Variants in GSK3B observed in about 807,000 individuals in gnomAD.
The protein encoded by GSK3B is glycogen synthase kinase-3 beta.
A neutral mutation model predicts 56.4 loss-of-function variants in GSK3B; 15 were observed. The ratio of observed to expected loss-of-function variants is 0.27; its 90% confidence interval spans 0.18 to 0.41. The LOEUF (loss-of-function observed/expected upper bound fraction) is 0.41. Among genes scored for constraint, GSK3B ranks in the 10% least tolerant of loss-of-function variants. The pLI is 1.00. For synonymous variants in GSK3B, 181 were observed against 188.9 expected (o/e 0.96, Z 0.34); for missense variants, 300 against 513.4 (o/e 0.58, Z 4.02).
intron 1 of GSK3B, among the ~76,000 whole-genome samples, chr3:120,003,813 A>G (rs940027812): frequency 6.6e-6 from 1 of 152,250 alleles, no homozygotes; most frequent in African/African-American, 2.4e-5. Flanking sequence ...TCTGGTCTAC[A>G]ACTCCCAGGA....
At chr3:119,983,369 T>C (rs954374384) in intron 2 of GSK3B, among the ~76,000 whole-genome samples, 7 of 152,228 alleles carry the variant, frequency 4.6e-5, no homozygotes, top group African/African-American at 1.2e-4. Context: ...TAACCTTAAA[T>C]GTAAACAGGC....
chr3:120,080,253 T>A (rs1458489009), intron 1 of GSK3B, among the ~76,000 whole-genome samples: 1 of 151,714 alleles, frequency 6.6e-6, no homozygotes, highest in Non-Finnish European at 1.5e-5. Flanking sequence ...ATCACACCAC[T>A]GTACTACAAT....
intron 2 of GSK3B, among the ~76,000 whole-genome samples, chr3:119,962,149 G>A (rs2057278045): frequency 6.6e-6 from 1 of 152,170 alleles, no homozygotes; most frequent in African/African-American, 2.4e-5. Context: ...GCTGAGGCAG[G>A]TGGATCACCT....
At chr3:119,973,631 A>G (rs1276361642) in intron 2 of GSK3B, among the ~76,000 whole-genome samples, 1 of 152,244 alleles carries the variant, frequency 6.6e-6, no homozygotes, top group Non-Finnish European at 1.5e-5. Flanking sequence ...GTTACAGCAC[A>G]ATAAATATTT....
At chr3:119,886,733 G>C (rs1018445392) in intron 7 of GSK3B, among the ~76,000 whole-genome samples, 1 of 152,084 alleles carries the variant, frequency 6.6e-6, no homozygotes, top group Admixed American at 6.6e-5. Context: ...AGATGCTGCT[G>C]GAAGCCATTA....
At chr3:120,005,711 C>A (rs1035376975) in intron 1 of GSK3B, among the ~76,000 whole-genome samples, 1 of 152,160 alleles carries the variant, frequency 6.6e-6, no homozygotes, top group Non-Finnish European at 1.5e-5. Flanking sequence ...AAATCCTTTA[C>A]GGACAAGCAA....
chr3:119,908,224 G>A (rs1418975877), intron 6 of GSK3B, among the ~76,000 whole-genome samples: 1 of 152,162 alleles, frequency 6.6e-6, no homozygotes, highest in African/African-American at 2.4e-5. Flanking sequence ...TCCTTAATGT[G>A]TGAGATGATG....
chr3:119,857,061 T>G (rs1480794494), intron 9 of GSK3B, among the ~76,000 whole-genome samples: 2 of 152,178 alleles, frequency 1.3e-5, no homozygotes, highest in Non-Finnish European at 2.9e-5. Flanking sequence ...ATATATACCT[T>G]AATTTAAAAA....
At chr3:119,885,396 T>C (rs1417476711) in intron 7 of GSK3B, among the ~76,000 whole-genome samples, 3 of 151,924 alleles carry the variant, frequency 2.0e-5, no homozygotes, top group Admixed American at 6.6e-5. Flanking sequence ...AAGCATTCCA[T>C]GCTCATGGAT....
chr3:120,026,355 G>A (rs552041952), intron 1 of GSK3B, among the ~76,000 whole-genome samples: 1 of 152,092 alleles, frequency 6.6e-6, no homozygotes, highest in Non-Finnish European at 1.5e-5. Flanking sequence ...AAAGGATACG[G>A]GAGAGAACTG....
At chr3:119,863,391 G>A (rs779210979) in intron 9 of GSK3B, 28 bp downstream of exon 9, 1 of 1,568,234 alleles carries the variant, frequency 6.4e-7, no homozygotes, top group South Asian at 1.1e-5. Flanking sequence ...TCCTAGAACT[G>A]GTGAAGAGGC....
At chr3:119,947,158 G>C in intron 3 of GSK3B, 110 bp downstream of exon 3, 1 of 701,940 alleles carries the variant, frequency 1.4e-6, no homozygotes, top group East Asian at 2.5e-5. Flanking sequence ...AAGTGTTTCG[G>C]AATTTTTCCA....
chr3:119,833,973 T>G (rs914818235), intron 10 of GSK3B, among the ~76,000 whole-genome samples: 3 of 152,122 alleles, frequency 2.0e-5, no homozygotes, highest in African/African-American at 7.2e-5. Context: ...GCTGGGATTG[T>G]AGGTGTGAGT....
At chr3:120,049,291 G>C (rs904795350) in intron 1 of GSK3B, among the ~76,000 whole-genome samples, 1 of 152,192 alleles carries the variant, frequency 6.6e-6, no homozygotes, top group South Asian at 2.1e-4. Flanking sequence ...CTTCTTGAGG[G>C]AATATTCAGT....
chr3:119,849,949 T>A (rs1290150100), intron 9 of GSK3B, among the ~76,000 whole-genome samples: 1 of 152,114 alleles, frequency 6.6e-6, no homozygotes, highest in Non-Finnish European at 1.5e-5. Flanking sequence ...TCATATACTT[T>A]AAATCATCTC....
chr3:119,957,080 A>G (rs940820744), intron 2 of GSK3B, among the ~76,000 whole-genome samples: 2 of 152,230 alleles, frequency 1.3e-5, no homozygotes, highest in Non-Finnish European at 1.5e-5. Flanking sequence ...GCAAGAAAGG[A>G]AAGTTCCTTA....
chr3:120,040,535 G>A (rs2058057502), intron 1 of GSK3B, among the ~76,000 whole-genome samples: 1 of 152,110 alleles, frequency 6.6e-6, no homozygotes, highest in Non-Finnish European at 1.5e-5. Flanking sequence ...AAAGGATTGA[G>A]CCTTAACAAG....
chr3:119,934,603 A>G (rs2056976855), intron 3 of GSK3B, among the ~76,000 whole-genome samples: 3 of 152,190 alleles, frequency 2.0e-5, no homozygotes, highest in African/African-American at 7.2e-5. Flanking sequence ...GATCATAAAC[A>G]AAAGACCTTA....
chr3:119,913,682 T>C (rs947758584), intron 5 of GSK3B, among the ~76,000 whole-genome samples: 4 of 151,716 alleles, frequency 2.6e-5, no homozygotes, highest in African/African-American at 7.3e-5. Context: ...GTAAAGGTAC[T>C]GGAAAACCAG....
Sources: gnomAD v4.1 joint callset for allele counts (sites outside exome capture counted in the v4.1 genomes callset) on GRCh38, gnomAD v4.1.1 for gene constraint, MANE v1.5 for transcripts, NCBI Gene and HGNC (gene_info 2026-07-23, HGNC 2026-07-21) for gene names.